ITCH: variants seen among roughly 807,000 people sequenced by gnomAD.
The protein encoded by ITCH is itchy E3 ubiquitin protein ligase, also known as E3 ubiquitin-protein ligase Itchy homolog.
ITCH carries 28 observed loss-of-function variants against 126.8 expected under a neutral mutation model. That is an observed-to-expected ratio of 0.22 (90% CI 0.16 to 0.30). The LOEUF (loss-of-function observed/expected upper bound fraction) is 0.30. Ranked by LOEUF, ITCH falls within the 10% of genes least tolerant of loss-of-function variation. The pLI, the probability that ITCH is intolerant of heterozygous loss-of-function variation, is 1.00. For synonymous variants in ITCH, 342 were observed against 340.0 expected (o/e 1.01, Z -0.06); for missense variants, 631 against 1,032.4 (o/e 0.61, Z 5.33).
rs1491221294 is a variant in ITCH at position 34,510,444 on chromosome 20, T to TG, written c.*2650_*2651insG. ...TGTAAATGCTAATAAATCCTGTTAA[T>TG]TTTTTTTTTTTTTTTTTTTTTTTTT... is the stretch of plus-strand genomic sequence containing the variant. On this transcript the variant is annotated 3_prime_UTR_variant, in exon 25 of 25. Coordinates refer to ENST00000374864, the MANE Select transcript of ITCH (RefSeq NM_031483.7). The TG allele has an allele frequency of 0.016, 19 of 1,178 alleles. No individual in the cohort carries two copies. The highest frequency in any genetic ancestry group is 0.033 in the Admixed American group (3 of 92). The allele number at this position is 1,178 out of a possible 1,614,324, so 0.1% of individuals were successfully genotyped here.
chr20:34,496,478 T>G (rs975053808), intron 23 of ITCH, among the ~76,000 whole-genome samples: 1 of 152,190 alleles, frequency 6.6e-6, no homozygotes, highest in Admixed American at 6.5e-5. Flanking sequence ...ATTTTTATTT[T>G]TGTTGCCTGT....
At chr20:34,418,868 TCTC>T (rs1436713232) in intron 6 of ITCH, among the ~76,000 whole-genome samples, 3 of 149,688 alleles carry the variant, frequency 2.0e-5, no homozygotes, top group Admixed American at 1.3e-4. Flanking sequence ...TTCAAGCAAT[TCTC>T]CTGCCTCAGC....
rs1279077441 is a variant in ITCH at position 34,456,178 on chromosome 20, GTGTGTGTATATATATA to G, written c.1211-1210_1211-1195del. On this transcript the variant is annotated intron_variant, in intron 12 of 24. Transcript: ENST00000374864. ...ATATATTGTGTGTGTGTGTGTGTGT[GTGTGTGTATATATATA>G]TATATATATATATATATATATTTTT... is the stretch of plus-strand genomic sequence containing the variant. Among the ~76,000 whole-genome samples the G allele has an allele frequency of 6.3e-3, 217 of 34,484 alleles. 2 individuals carry two copies. Among genetic ancestry groups the G allele is most frequent in the Middle Eastern group, 0.038 (3 of 78 alleles). 22.6% of individuals were successfully genotyped at this position (34,484 alleles called of 152,430 possible).
chr20:34,483,445 C>T (rs891701063), intron 20 of ITCH, among the ~76,000 whole-genome samples: 4 of 152,174 alleles, frequency 2.6e-5, no homozygotes, highest in African/African-American at 9.7e-5. Context: ...CCTAAATCAT[C>T]TCTCTCAAGT....
At chr20:34,431,290 G>A (rs1982258702) in intron 7 of ITCH, among the ~76,000 whole-genome samples, 1 of 152,136 alleles carries the variant, frequency 6.6e-6, no homozygotes, top group African/African-American at 2.4e-5. Context: ...GCATGCTCCT[G>A]TAGTCCCAGC....
Position 34,464,302 on chromosome 20 carries a change from T to C in ITCH, c.1424+2081T>C, listed in dbSNP as rs553290331. Reference sequence around the variant, plus strand: ...CGTGCCCGGCCTGTTTTTTCTTTTTTTTTTTTTCTTTCTTTCTTTCTTTTT... The same window carrying C: ...CGTGCCCGGCCTGTTTTTTCTTTTTCTTTTTTTCTTTCTTTCTTTCTTTTT... On this transcript the variant is annotated intron_variant, in intron 14 of 24. Transcript: ENST00000374864. 4.0e-3 allele frequency among the ~76,000 whole-genome samples: 601 copies of C among 151,480 alleles called. 7 individuals carry two copies. The highest frequency in any genetic ancestry group is 0.01 in the African/African-American group (425 of 41,446).
intron 9 of ITCH, among the ~76,000 whole-genome samples, chr20:34,441,211 G>C (rs1471348145): frequency 6.6e-6 from 1 of 152,012 alleles, no homozygotes. Flanking sequence ...GGCAGAGGTT[G>C]CATTGAGCCA....
chr20:34,437,765 T>G (rs982564293), intron 7 of ITCH, among the ~76,000 whole-genome samples: 4 of 152,216 alleles, frequency 2.6e-5, no homozygotes, highest in Non-Finnish European at 1.5e-5. Context: ...TTCTAATCTA[T>G]GACTAGAGCC....
chr20:34,465,513 G>A (rs1296069207), intron 14 of ITCH, among the ~76,000 whole-genome samples: 2 of 152,050 alleles, frequency 1.3e-5, no homozygotes, highest in Non-Finnish European at 2.9e-5. Context: ...TCAATCTGGG[G>A]TAGTGTGGTC....
chr20:34,391,085 G>A (rs1408821230), intron 2 of ITCH, among the ~76,000 whole-genome samples: 2 of 152,200 alleles, frequency 1.3e-5, no homozygotes, highest in Non-Finnish European at 2.9e-5. Flanking sequence ...GTATGCAGTT[G>A]TAAATAATAG....
intron 3 of ITCH, among the ~76,000 whole-genome samples, chr20:34,406,863 A>G (rs1367528393): frequency 2.6e-5 from 4 of 152,134 alleles, no homozygotes; most frequent in Non-Finnish European, 5.9e-5. Flanking sequence ...GTTACTATAT[A>G]AACTCCTCTG....
At position 34,472,372 on chromosome 20, in the gene ITCH, TAA is replaced by T. The variant is rs527802058; in HGVS notation, c.1569+881_1569+882del. On this transcript the variant is annotated intron_variant, in intron 16 of 24. Transcript: ENST00000374864. ...ATAAGAGCAAAACTCCATCTCAATT[TAA>T]AAAAAAAAAAAAAAAAAAAAAAACT... Among the ~76,000 whole-genome samples, 35 of 79,684 alleles carry T rather than the reference TAA, an allele frequency of 4.4e-4. 1 individual carries two copies. The South Asian group carries it at 8.3e-3, about 19-fold the overall frequency. 52.3% of individuals were successfully genotyped at this position (79,684 alleles called of 152,430 possible).
chr20:34,455,055 C>T (rs1337117683), intron 12 of ITCH, among the ~76,000 whole-genome samples: 5 of 152,032 alleles, frequency 3.3e-5, no homozygotes, highest in East Asian at 1.9e-4. Context: ...GTCTCAAACT[C>T]GTGACCTCAG....
chr20:34,418,839 G>A (rs185118184), intron 6 of ITCH, among the ~76,000 whole-genome samples: 6 of 134,008 alleles, frequency 4.5e-5, no homozygotes, highest in Admixed American at 9.1e-5. Flanking sequence ...TCGGCTTACC[G>A]CAACCTCCAT....
chr20:34,492,411 A>G, intron 22 of ITCH, 90 bp from the exon 23 acceptor site: 1 of 916,566 alleles, frequency 1.1e-6, no homozygotes, highest in East Asian at 2.7e-5. Context: ...TAAAAAAAAT[A>G]AAAGATTTGA....
chr20:34,452,217 T>G (rs1354773192), intron 12 of ITCH, among the ~76,000 whole-genome samples: 1 of 152,238 alleles, frequency 6.6e-6, no homozygotes, highest in Admixed American at 6.5e-5. Flanking sequence ...TGAGCTGCGT[T>G]TCCTTTATCA....
At chr20:34,468,515 G>A (rs1987309638) in intron 14 of ITCH, among the ~76,000 whole-genome samples, 1 of 151,978 alleles carries the variant, frequency 6.6e-6, no homozygotes, top group African/African-American at 2.4e-5. Flanking sequence ...TACAGGCCGG[G>A]CATGGTGGCT....
chr20:34,413,630 ATATAGT>A, intron 5 of ITCH, 106 bp from the exon 6 acceptor site: 2 of 959,056 alleles, frequency 2.1e-6, no homozygotes, highest in Admixed American at 2.8e-5. Flanking sequence ...TTATATGCAC[ATATAGT>A]TATATTTTCT....
rs188464654 is a variant in ITCH at position 34,430,542 on chromosome 20, C to T, written c.521+6017C>T. On this transcript the variant is annotated intron_variant, in intron 7 of 24. Coordinates refer to ENST00000374864, the MANE Select transcript of ITCH (RefSeq NM_031483.7). ...AGATGGGAATGCAGTGACGCGATCTCGGCTCACTGCAACCTCTGCCTCCTG... is the reference window on the plus strand; with the variant it reads ...AGATGGGAATGCAGTGACGCGATCTTGGCTCACTGCAACCTCTGCCTCCTG... Among the ~76,000 whole-genome samples, 9 of 152,232 alleles carry T rather than the reference C, an allele frequency of 5.9e-5. No individual in the cohort carries two copies. In the East Asian group the frequency reaches 1.7e-3, roughly 29 times the overall value.
Sources: allele counts gnomAD v4.1 joint callset (sites outside exome capture counted in the v4.1 genomes callset), GRCh38; gene constraint gnomAD v4.1.1; transcripts MANE v1.5; gene names NCBI Gene and HGNC (gene_info 2026-07-23, HGNC 2026-07-21).